Variants in SUGCT observed in about 807,000 individuals in gnomAD.
SUGCT encodes the protein succinyl-CoA:glutarate-CoA transferase, also known as succinyl-CoA:glutarate CoA-transferase.
A neutral mutation model predicts 55.0 loss-of-function variants in SUGCT; 41 were observed. That is an observed-to-expected ratio of 0.74 (90% CI 0.58 to 0.97). The LOEUF (loss-of-function observed/expected upper bound fraction) is 0.97. Among genes scored for constraint, SUGCT ranks in the 50% least tolerant of loss-of-function variants. SUGCT has a pLI of 0.00. For synonymous variants in SUGCT, 187 were observed against 200.4 expected, an observed-to-expected ratio of 0.93 and a Z score of 0.56; for missense variants, 568 against 547.8, an observed-to-expected ratio of 1.04 and a Z score of -0.37.
chr7:40,751,032 A>G (rs1026927244), intron 13 of SUGCT, among the ~76,000 whole-genome samples: 14 of 152,252 alleles, frequency 9.2e-5, no homozygotes, highest in African/African-American at 3.4e-4. Context: ...ACTGTAAGTC[A>G]TAAGTGCAAA....
chr7:40,398,177 C>T (rs12533200), intron 9 of SUGCT, among the ~76,000 whole-genome samples: 86,857 of 152,078 alleles, frequency 0.57, 25,035 homozygotes, highest in South Asian at 0.65. Flanking sequence ...CTGCAACCTC[C>T]GCCTCCCGGG....
At chr7:40,897,035 G>C in the SUGCT span, among the ~76,000 whole-genome samples, 2 of 152,194 alleles carry the variant, frequency 1.3e-5, no homozygotes, top group Non-Finnish European at 2.9e-5. Flanking sequence ...ACAGACTAGA[G>C]AGCCCAGAAT....
At chr7:40,496,430 T>A in intron 12 of SUGCT, 44 bp downstream of exon 12, 1 of 1,311,388 alleles carries the variant, frequency 7.6e-7, no homozygotes, top group South Asian at 1.2e-5. Flanking sequence ...TCTGTCCAGA[T>A]TGACTTATAT....
chr7:40,760,643 TATTA>T (rs1459492032), intron 13 of SUGCT, among the ~76,000 whole-genome samples: 1 of 152,146 alleles, frequency 6.6e-6, no homozygotes, highest in Non-Finnish European at 1.5e-5. Flanking sequence ...TTCATAAAAA[TATTA>T]ATTAACTTCT....
chr7:40,170,300 CATT>C (rs1401750103), intron 1 of SUGCT, among the ~76,000 whole-genome samples: 2 of 152,176 alleles, frequency 1.3e-5, no homozygotes, highest in East Asian at 3.9e-4. Context: ...CTAGCAATAA[CATT>C]ATATCTCTCC....
chr7:40,800,466 ATT>A (rs1790762179), intron 13 of SUGCT, among the ~76,000 whole-genome samples: 1 of 151,336 alleles, frequency 6.6e-6, no homozygotes, highest in African/African-American at 2.4e-5. Flanking sequence ...TTTTTTTTGT[ATT>A]TTTAGTAGAG....
At chr7:41,031,758 C>T in the SUGCT span, among the ~76,000 whole-genome samples, 1 of 152,206 alleles carries the variant, frequency 6.6e-6, no homozygotes, top group Non-Finnish European at 1.5e-5. Context: ...TTACCTTCCT[C>T]TCTTACTCTT....
At chr7:40,225,456 G>T (rs144895069) in intron 6 of SUGCT, among the ~76,000 whole-genome samples, 251 of 147,884 alleles carry the variant, frequency 1.7e-3, no homozygotes, top group Middle Eastern at 6.8e-3. Flanking sequence ...TTTTTTTGAG[G>T]TGGGGAGTCT....
intron 12 of SUGCT, among the ~76,000 whole-genome samples, chr7:40,588,321 C>G (rs942267285): frequency 2.6e-5 from 4 of 151,580 alleles, no homozygotes; most frequent in Non-Finnish European, 5.9e-5. Context: ...CATGCTGGTG[C>G]GCTGCATGCG....
chr7:40,329,386 A>G (rs1796187224), intron 9 of SUGCT, among the ~76,000 whole-genome samples: 1 of 152,186 alleles, frequency 6.6e-6, no homozygotes, highest in South Asian at 2.1e-4. Context: ...CATTTAGGAA[A>G]AGGAGTACTG....
chr7:40,932,282 TGA>T, the SUGCT span, among the ~76,000 whole-genome samples: 1 of 152,220 alleles, frequency 6.6e-6, no homozygotes, highest in Admixed American at 6.5e-5. Context: ...CTCTGTGGCC[TGA>T]GAGACAGTTT....
intron 13 of SUGCT, among the ~76,000 whole-genome samples, chr7:40,775,898 T>C (rs1035353846): frequency 2.0e-5 from 3 of 152,232 alleles, no homozygotes. Flanking sequence ...GCCTCTGGAA[T>C]TGTTACTTTA....
chr7:40,656,177 G>A (rs1801010458), intron 12 of SUGCT, among the ~76,000 whole-genome samples: 1 of 151,734 alleles, frequency 6.6e-6, no homozygotes, highest in Non-Finnish European at 1.5e-5. Flanking sequence ...GAGTCACACA[G>A]CTAGTATTTT....
chr7:40,603,007 A>G (rs1316429440), intron 12 of SUGCT, among the ~76,000 whole-genome samples: 1 of 152,166 alleles, frequency 6.6e-6, no homozygotes, highest in Non-Finnish European at 1.5e-5. Flanking sequence ...TTCTGAGCAT[A>G]AATAGGACTG....
intron 12 of SUGCT, among the ~76,000 whole-genome samples, chr7:40,733,278 A>G (rs1299217509): frequency 1.3e-5 from 2 of 152,080 alleles, no homozygotes; most frequent in East Asian, 3.9e-4. Context: ...CCCTGATAAC[A>G]TCTCTTGGCA....
At chr7:40,785,493 A>C (rs1026150151) in intron 13 of SUGCT, among the ~76,000 whole-genome samples, 1 of 152,194 alleles carries the variant, frequency 6.6e-6, no homozygotes, top group African/African-American at 2.4e-5. Flanking sequence ...AATCCAGGAA[A>C]AGCCTCCAAG....
intron 13 of SUGCT, among the ~76,000 whole-genome samples, chr7:40,821,860 G>A (rs1328289641): frequency 6.6e-6 from 1 of 152,054 alleles, no homozygotes; most frequent in Non-Finnish European, 1.5e-5. Context: ...TGATGTTAGG[G>A]TGTCAATTTT....
chr7:40,558,907 T>C (rs889333784), intron 12 of SUGCT, among the ~76,000 whole-genome samples: 9 of 152,226 alleles, frequency 5.9e-5, no homozygotes, highest in Non-Finnish European at 1.2e-4. Context: ...TTCCTGTGAA[T>C]TGTCTATAAG....
intron 12 of SUGCT, among the ~76,000 whole-genome samples, chr7:40,542,965 C>T (rs779118634): frequency 2.6e-5 from 4 of 152,196 alleles, no homozygotes; most frequent in Non-Finnish European, 5.9e-5. Context: ...GAATTTGCTT[C>T]ATCGGCTAGG....
Sources: allele counts gnomAD v4.1 joint callset (sites outside exome capture counted in the v4.1 genomes callset), GRCh38; gene constraint gnomAD v4.1.1; transcripts MANE v1.5; gene names NCBI Gene and HGNC (gene_info 2026-07-23, HGNC 2026-07-21).